The following AUTS2 variants were observed in gnomAD, a reference collection of about 807,000 sequenced individuals.
AUTS2 encodes the protein activator of transcription and developmental regulator AUTS2.
AUTS2 carries 17 observed loss-of-function variants against 112.4 expected under a neutral mutation model. That is an observed-to-expected ratio of 0.15 (90% confidence interval 0.10 to 0.23). AUTS2 has a LOEUF of 0.23. Among genes scored for constraint, AUTS2 ranks in the 10% least tolerant of loss-of-function variants. The pLI is 1.00. For synonymous variants in AUTS2, 751 were observed against 702.7 expected, an observed-to-expected ratio of 1.07 and a Z score of -1.09; for missense variants, 1,510 against 1,701.6, an observed-to-expected ratio of 0.89 and a Z score of 1.98.
rs1408181267 is a variant in AUTS2, at chr7:70,791,185, G to C, written c.*189G>C. On this transcript the variant is annotated 3_prime_UTR_variant, in exon 19 of 19. Transcript: ENST00000342771. ...GTATATTATATGTTGAGATTTTTCA[G>C]ATCTTTTAGCCCAGTCATATGTTCT... The C allele has an allele frequency of 3.6e-6, 2 of 550,018 alleles. No individual in the cohort carries two copies. Among genetic ancestry groups the C allele is most frequent in the African/African-American group, 2.0e-5 (1 of 51,186 alleles). The allele number at this position is 550,018 out of a possible 1,614,324, so 34.1% of individuals were successfully genotyped here. A position where few individuals can be genotyped will look rare whatever the true frequency, so the allele number is the denominator to read the frequency against.
At chr7:70,096,687 A>G (rs957792126) in intron 2 of AUTS2, among the ~76,000 whole-genome samples, 2 of 151,772 alleles carry the variant, frequency 1.3e-5, no homozygotes, top group Non-Finnish European at 2.9e-5. Flanking sequence ...TTTCATTATT[A>G]TTACATCAGA....
At chr7:69,713,713 G>A (rs114474765) in intron 1 of AUTS2, among the ~76,000 whole-genome samples, 2,955 of 152,014 alleles carry the variant, frequency 0.019, 94 homozygotes, top group African/African-American at 0.064. Context: ...CACATGCCTC[G>A]CCCTCCGAAA....
At chr7:70,568,423 G>A (rs1335855262) in intron 5 of AUTS2, among the ~76,000 whole-genome samples, 4 of 152,192 alleles carry the variant, frequency 2.6e-5, no homozygotes, top group Admixed American at 2.0e-4. Flanking sequence ...AATGCCTGGT[G>A]TGTTAAAGTG....
intron 4 of AUTS2, among the ~76,000 whole-genome samples, chr7:70,252,046 C>T (rs1240676321): frequency 6.6e-6 from 1 of 152,094 alleles, no homozygotes; most frequent in Admixed American, 6.6e-5. Context: ...ATTCTCTTAC[C>T]TGATTACAGT....
At chr7:70,272,933 A>G (rs1787761553) in intron 4 of AUTS2, among the ~76,000 whole-genome samples, 1 of 152,184 alleles carries the variant, frequency 6.6e-6, no homozygotes, top group Admixed American at 6.5e-5. Context: ...AGACCAATCT[A>G]GACAAACATA....
intron 1 of AUTS2, among the ~76,000 whole-genome samples, chr7:69,625,917 A>G (rs1214665407): frequency 6.6e-6 from 1 of 152,102 alleles, no homozygotes; most frequent in Non-Finnish European, 1.5e-5. Context: ...AAGAATGACA[A>G]TGGAACATAG....
chr7:69,620,450 G>A (rs1014261846), intron 1 of AUTS2, among the ~76,000 whole-genome samples: 2 of 152,134 alleles, frequency 1.3e-5, no homozygotes, highest in African/African-American at 2.4e-5. Context: ...AATGGATCTC[G>A]AGAAGAAAAT....
intron 4 of AUTS2, among the ~76,000 whole-genome samples, chr7:70,354,980 ATGGGTGTGTGTG>A (rs1791928028): frequency 6.8e-6 from 1 of 147,690 alleles, no homozygotes; most frequent in Non-Finnish European, 1.5e-5. Context: ...GTGTGTATGT[ATGGGTGTGTGTG>A]TGTATGGGTG....
Position 70,750,562 on chromosome 7 carries a change from G to A in AUTS2, c.743-12308G>A, listed in dbSNP as rs373032904. Among the ~76,000 whole-genome samples, 10 of 152,034 alleles carry A rather than the reference G, an allele frequency of 6.6e-5. No individual in the cohort carries two copies. The South Asian group carries it at 1.2e-3, about 19-fold the overall frequency. ...ACTACAGGCACACGCCACCATGCCC[G>A]GATAACTTTTGTATTTTTTTGTAGA... On this transcript the variant is annotated intron_variant, in intron 6 of 18. Transcript: ENST00000342771.
At chr7:69,701,755 G>T (rs1584098200) in intron 1 of AUTS2, among the ~76,000 whole-genome samples, 1 of 152,178 alleles carries the variant, frequency 6.6e-6, no homozygotes, top group Non-Finnish European at 1.5e-5. Context: ...AGAGCTTGAG[G>T]TATTATTATC....
intron 5 of AUTS2, among the ~76,000 whole-genome samples, chr7:70,462,514 A>T (rs1797007105): frequency 6.6e-6 from 1 of 152,168 alleles, no homozygotes; most frequent in Non-Finnish European, 1.5e-5. Context: ...GAAACTAGCC[A>T]AGTAAATAAT....
chr7:70,416,715 C>T (rs923089787), intron 4 of AUTS2, among the ~76,000 whole-genome samples: 6 of 152,214 alleles, frequency 3.9e-5, no homozygotes, highest in African/African-American at 1.4e-4. Context: ...ACAGCCCTGC[C>T]GACGCAGCGC....
At chr7:70,170,336 G>GT (rs1218740269) in intron 4 of AUTS2, among the ~76,000 whole-genome samples, 1 of 151,786 alleles carries the variant, frequency 6.6e-6, no homozygotes, top group African/African-American at 2.4e-5. Context: ...TATTTTTGTA[G>GT]TGTTGGGGCT....
intron 5 of AUTS2, among the ~76,000 whole-genome samples, chr7:70,555,978 T>G (rs531109068): frequency 6.4e-4 from 97 of 152,232 alleles, no homozygotes; most frequent in Non-Finnish European, 1.0e-3. Context: ...CTAATTTTTT[T>G]GTATTTTTTA....
chr7:69,835,311 T>C (rs1791673462), intron 1 of AUTS2, among the ~76,000 whole-genome samples: 1 of 152,002 alleles, frequency 6.6e-6, no homozygotes, highest in African/African-American at 2.4e-5. Flanking sequence ...GAGATACAGA[T>C]AGAGAGATGG....
At chr7:69,811,288 T>C (rs1369725885) in intron 1 of AUTS2, among the ~76,000 whole-genome samples, 2 of 152,086 alleles carry the variant, frequency 1.3e-5, no homozygotes, top group Non-Finnish European at 2.9e-5. Flanking sequence ...CTCTGTGATC[T>C]AGGGCTCTCT....
chr7:70,044,373 C>T (rs1801406806), intron 2 of AUTS2, among the ~76,000 whole-genome samples: 1 of 152,098 alleles, frequency 6.6e-6, no homozygotes, highest in South Asian at 2.1e-4. Flanking sequence ...GTTCTTTTTC[C>T]CTGGAAATTT....
At chr7:69,732,086 G>A (rs1786821955) in intron 1 of AUTS2, among the ~76,000 whole-genome samples, 1 of 151,974 alleles carries the variant, frequency 6.6e-6, no homozygotes, top group South Asian at 2.1e-4. Context: ...AGGCTATAGA[G>A]CCAAGTCTTA....
At chr7:70,278,611 A>ATATG (rs1788055072) in intron 4 of AUTS2, among the ~76,000 whole-genome samples, 1 of 147,412 alleles carries the variant, frequency 6.8e-6, no homozygotes, top group Non-Finnish European at 1.5e-5. Context: ...ACATACATAC[A>ATATG]TACATACATA....
Sources: allele counts gnomAD v4.1 joint callset (sites outside exome capture counted in the v4.1 genomes callset), GRCh38; gene constraint gnomAD v4.1.1; transcripts MANE v1.5; gene names NCBI Gene and HGNC (gene_info 2026-07-23, HGNC 2026-07-21).